NPNT: variants seen among roughly 807,000 people sequenced by gnomAD.
NPNT encodes the protein nephronectin, also known as preosteoblast EGF-like repeat protein with MAM domain.
A neutral mutation model predicts 68.6 loss-of-function variants in NPNT; 45 were observed. That is an observed-to-expected ratio of 0.66 (90% confidence interval 0.52 to 0.84). The LOEUF is 0.84. NPNT is among the 40% of genes least tolerant of loss of function. The pLI is 0.00. For missense variants in NPNT, 672 were observed against 714.8 expected, an observed-to-expected ratio of 0.94 and a Z score of 0.68; for synonymous variants, 233 against 253.3, an observed-to-expected ratio of 0.92 and a Z score of 0.76.
At chr4:105,937,184 T>A in intron 4 of NPNT, 56 bp downstream of exon 4, 1 of 1,583,738 alleles carries the variant, frequency 6.3e-7, no homozygotes. Context: ...TCTGTTGTGC[T>A]CTGAGAGCTT....
chr4:105,931,250 T>G (rs1729081688), intron 3 of NPNT, among the ~76,000 whole-genome samples: 1 of 152,186 alleles, frequency 6.6e-6, no homozygotes, highest in Non-Finnish European at 1.5e-5. Context: ...TCACTGCATA[T>G]TCTCAGAAAT....
At chr4:105,927,283 A>G (rs79961900) in intron 2 of NPNT, 53 bp from the exon 3 acceptor site, 17 of 1,116,564 alleles carry the variant, frequency 1.5e-5, no homozygotes, top group African/African-American at 4.6e-5. Context: ...TCAATGCTAT[A>G]TGATTGGTGT....
chr4:105,908,688 C>G (rs1375706955), intron 2 of NPNT, among the ~76,000 whole-genome samples: 2 of 151,816 alleles, frequency 1.3e-5, no homozygotes, highest in Non-Finnish European at 2.9e-5. Flanking sequence ...CTCAGCCTCC[C>G]GAGTAGCTAG....
intron 8 of NPNT, among the ~76,000 whole-genome samples, chr4:105,945,373 T>C (rs1444168823): frequency 6.6e-6 from 1 of 152,196 alleles, no homozygotes; most frequent in East Asian, 1.9e-4. Flanking sequence ...TAGACCTGGA[T>C]GTCAGCTGAC....
chr4:105,964,777 T>C (rs1731989825), intron 10 of NPNT, among the ~76,000 whole-genome samples: 1 of 152,202 alleles, frequency 6.6e-6, no homozygotes, highest in African/African-American at 2.4e-5. Flanking sequence ...ACATTTTTGT[T>C]TGTCTATTTT....
chr4:105,960,101 C>T (rs868432983), intron 10 of NPNT, among the ~76,000 whole-genome samples: 1 of 152,122 alleles, frequency 6.6e-6, no homozygotes, highest in Non-Finnish European at 1.5e-5. Context: ...TGAGCCACCG[C>T]GCCCAGCCAG....
chr4:105,895,809 C>T, intron 1 of NPNT, 86 bp downstream of exon 1: 1 of 1,242,948 alleles, frequency 8.0e-7, no homozygotes, highest in Non-Finnish European at 1.1e-6. Flanking sequence ...CGCGGGGTTT[C>T]GTGGTCAGAG....
At chr4:105,917,431 C>T (rs944057755) in intron 2 of NPNT, among the ~76,000 whole-genome samples, 1 of 152,086 alleles carries the variant, frequency 6.6e-6, no homozygotes, top group African/African-American at 2.4e-5. Context: ...CTTTTAACAC[C>T]TTGTACACCT....
chr4:105,917,644 G>T (rs944166754), intron 2 of NPNT, among the ~76,000 whole-genome samples: 2 of 152,140 alleles, frequency 1.3e-5, no homozygotes, highest in African/African-American at 2.4e-5. Context: ...ACTGAAGAGG[G>T]TATGAACTCA....
chr4:105,940,019 ACT>A (rs2149372899), intron 5 of NPNT, 54 bp from the exon 6 acceptor site: 1 of 1,501,274 alleles, frequency 6.7e-7, no homozygotes, highest in East Asian at 2.3e-5. Flanking sequence ...TTTGAAACCC[ACT>A]CTGTCTTAAC....
chr4:105,928,652 A>G (rs909556524), intron 3 of NPNT, among the ~76,000 whole-genome samples: 2 of 151,662 alleles, frequency 1.3e-5, no homozygotes, highest in Non-Finnish European at 2.9e-5. Context: ...CATTATTAGG[A>G]ATTAAACTAA....
At chr4:105,961,987 G>T (rs28680976) in intron 10 of NPNT, among the ~76,000 whole-genome samples, 14,304 of 152,192 alleles carry the variant, frequency 0.094, 870 homozygotes, top group African/African-American at 0.17. Context: ...GGGTTGAGTC[G>T]AAGTTATGGC....
chr4:105,962,859 G>GTGTGTGTGTGTA (rs1292317502), intron 10 of NPNT, among the ~76,000 whole-genome samples: 1 of 150,154 alleles, frequency 6.7e-6, no homozygotes, highest in Non-Finnish European at 1.5e-5. Flanking sequence ...GTATGTGTGT[G>GTGTGTGTGTGTA]TGTGTGTGTG....
intron 2 of NPNT, among the ~76,000 whole-genome samples, chr4:105,916,879 A>G (rs1474182405): frequency 6.6e-6 from 1 of 152,204 alleles, no homozygotes; most frequent in East Asian, 1.9e-4. Flanking sequence ...ATTTATTAAT[A>G]AAAGGGATTT....
In NPNT at chr4:105,967,258, C is replaced by T. The variant is rs772721145; in HGVS notation, c.1416C>T (p.Leu472=). The part of the protein sequence containing the change: ...GGKAARLVLP[L]GRLMHSGDLC... The stretch of plus-strand genomic sequence containing the variant: ...AAGCTGCACGCTTGGTGCTACCTCT[C>T]GGCCGCCTCATGCATTCAGGGGACC... The change falls in exon 11 of 12, where the codon CTC becomes CTT. Residue 472 remains leucine (L), a synonymous_variant. Transcript: ENST00000379987. 7 of 1,613,936 alleles carry T rather than the reference C, an allele frequency of 4.3e-6. No homozygotes were observed. Among genetic ancestry groups the T allele is most frequent in the East Asian group, 2.2e-5 (1 of 44,874 alleles).
chr4:105,958,491 G>T lies in NPNT; in HGVS notation c.1180G>T (p.Asp394Tyr). The T allele has an allele frequency of 6.2e-7, 1 of 1,610,780 alleles. No homozygotes were observed. The highest frequency in any genetic ancestry group is 1.1e-5 in the South Asian group (1 of 90,814). The change falls in exon 9 of 12, where the codon GAC (aspartate) becomes TAC (tyrosine). Residue 394 changes from aspartate to tyrosine, a missense_variant. Coordinates refer to ENST00000379987, the MANE Select transcript of NPNT (RefSeq NM_001033047.3). ...DVFIPRQPSNDLFEIFEIERG... is the reference protein window; with the variant it reads ...DVFIPRQPSNYLFEIFEIERG... ...TGCAGTTCCACGGCAACCTTCAAAT[G>T]ACTTGTTTGAAATATTTGAAATAGA...
rs1364773866 is a variant in NPNT, at chr4:105,969,671, T to C, written c.*681T>C. ...GTGCTATTGATATTAAGTATTTACA[T>C]GTTCCAAATATTTACAGACTCTAGT... On this transcript the variant is annotated 3_prime_UTR_variant, in exon 12 of 12. Coordinates refer to ENST00000379987, the MANE Select transcript of NPNT (RefSeq NM_001033047.3). The C allele has an allele frequency of 6.6e-6, 1 of 152,282 alleles. No individual in the cohort carries two copies. The highest frequency in any genetic ancestry group is 1.5e-5 in the Non-Finnish European group (1 of 68,100). 9.4% of individuals were successfully genotyped at this position (152,282 alleles called of 1,614,324 possible).
At chr4:105,897,394 T>TACACTTGATTTTTGAGAA (rs1725947498) in intron 1 of NPNT, among the ~76,000 whole-genome samples, 1 of 152,238 alleles carries the variant, frequency 6.6e-6, no homozygotes, top group South Asian at 2.1e-4. Flanking sequence ...AGAGCTCTGT[T>TACACTTGATTTTTGAGAA]ACACTTGATT....
intron 1 of NPNT, 166 bp downstream of exon 1, chr4:105,895,889 G>T (rs561595649): frequency 2.2e-4 from 138 of 622,592 alleles, no homozygotes; most frequent in Admixed American, 1.7e-3. Flanking sequence ...CAGCGGCTCC[G>T]AGTGCCCGCC....
Sources: allele counts gnomAD v4.1 joint callset (sites outside exome capture counted in the v4.1 genomes callset), GRCh38; gene constraint gnomAD v4.1.1; transcripts MANE v1.5; gene names NCBI Gene and HGNC (gene_info 2026-07-23, HGNC 2026-07-21).